Variants in MAP3K5 observed in about 807,000 individuals in gnomAD.
MAP3K5 encodes ASK-1.
MAP3K5 carries 56 observed loss-of-function variants against 158.7 expected under a neutral mutation model. The observed-to-expected ratio is 0.35, with a 90% CI of 0.28 to 0.44. The LOEUF (loss-of-function observed/expected upper bound fraction) is 0.44. MAP3K5 is among the 20% of genes least tolerant of loss of function. The pLI is 1.00. For synonymous variants in MAP3K5, 579 were observed against 601.7 expected (o/e 0.96, Z 0.55); for missense variants, 1,294 against 1,674.8 (o/e 0.77, Z 3.97).
intron 25 of MAP3K5, chr6:136,579,818 A>T (rs1383682072): frequency 4.4e-6 from 2 of 456,670 alleles, no homozygotes; most frequent in Non-Finnish European, 8.8e-6. Context: ...TTAAAAAAAA[A>T]TCAGATTCCT....
At chr6:136,672,080 T>C (rs967182153) in intron 7 of MAP3K5, among the ~76,000 whole-genome samples, 17 of 152,156 alleles carry the variant, frequency 1.1e-4, no homozygotes, top group African/African-American at 4.1e-4. Context: ...AATAATACTA[T>C]AAAGTATAAC....
At chr6:136,722,674 CTTTT>C (rs372343492) in intron 1 of MAP3K5, among the ~76,000 whole-genome samples, 2 of 115,562 alleles carry the variant, frequency 1.7e-5, no homozygotes, top group African/African-American at 3.2e-5. Context: ...TTTTTTTTTC[CTTTT>C]TTTTTTTTTT....
intron 23 of MAP3K5, among the ~76,000 whole-genome samples, chr6:136,591,808 GC>G (rs1775399163): frequency 6.6e-6 from 1 of 152,194 alleles, no homozygotes; most frequent in Admixed American, 6.5e-5. Flanking sequence ...GTAGCCTCAT[GC>G]TAATGTCAGA....
At chr6:136,705,943 G>A (rs1478035106) in intron 2 of MAP3K5, among the ~76,000 whole-genome samples, 1 of 152,116 alleles carries the variant, frequency 6.6e-6, no homozygotes, top group Non-Finnish European at 1.5e-5. Flanking sequence ...CATAATTTGT[G>A]TGTTTTTCAT....
chr6:136,674,585 A>G (rs189373804), intron 7 of MAP3K5, among the ~76,000 whole-genome samples: 2 of 152,164 alleles, frequency 1.3e-5, no homozygotes, highest in South Asian at 2.1e-4. Context: ...CAAATAGTCA[A>G]TATTATTGAT....
intron 14 of MAP3K5, among the ~76,000 whole-genome samples, chr6:136,632,513 T>C (rs1470026746): frequency 6.6e-6 from 1 of 152,082 alleles, no homozygotes; most frequent in Non-Finnish European, 1.5e-5. Flanking sequence ...TGAGACTCTG[T>C]ATCAAAAAAC....
At chr6:136,746,594 G>T (rs754918525) in intron 1 of MAP3K5, among the ~76,000 whole-genome samples, 1 of 152,084 alleles carries the variant, frequency 6.6e-6, no homozygotes, top group Non-Finnish European at 1.5e-5. Context: ...AACCATGCAG[G>T]GTTCTAATAC....
At chr6:136,628,365 G>A (rs879935776) in intron 14 of MAP3K5, among the ~76,000 whole-genome samples, 57 of 151,610 alleles carry the variant, frequency 3.8e-4, no homozygotes, top group Admixed American at 2.4e-3. Flanking sequence ...CTGCTGCCTC[G>A]GCCTCCCAAC....
chr6:136,711,338 A>T (rs1026126909), intron 2 of MAP3K5, among the ~76,000 whole-genome samples: 2 of 152,142 alleles, frequency 1.3e-5, no homozygotes, highest in African/African-American at 4.8e-5. Context: ...TCCCCAAACA[A>T]GTCATCACGC....
intron 8 of MAP3K5, among the ~76,000 whole-genome samples, chr6:136,661,218 C>CTT (rs1455785708): frequency 6.6e-6 from 1 of 151,968 alleles, no homozygotes; most frequent in African/African-American, 2.4e-5. Flanking sequence ...TTTCATGTTA[C>CTT]TTTTTATCGT....
chr6:136,722,056 A>G (rs750996083), intron 1 of MAP3K5, among the ~76,000 whole-genome samples: 7 of 152,304 alleles, frequency 4.6e-5, no homozygotes, highest in Non-Finnish European at 1.0e-4. Flanking sequence ...AGCCACTGCA[A>G]TAAGATTTCT....
chr6:136,665,726 T>C (rs114091051), intron 8 of MAP3K5, among the ~76,000 whole-genome samples: 206 of 152,346 alleles, frequency 1.4e-3, no homozygotes, highest in African/African-American at 4.5e-3. Context: ...TCTTTCCTTA[T>C]AACTTCTAAT....
At chr6:136,772,103 G>GT (rs1303046048) in intron 1 of MAP3K5, among the ~76,000 whole-genome samples, 2 of 144,538 alleles carry the variant, frequency 1.4e-5, no homozygotes, top group African/African-American at 5.1e-5. Flanking sequence ...AGAAATGGGG[G>GT]GGGGGGGTTT....
intron 29 of MAP3K5, 126 bp downstream of exon 29, chr6:136,558,674 C>T: frequency 3.4e-6 from 2 of 594,200 alleles, no homozygotes. Context: ...CTCAGAGCAG[C>T]TAAGAGCTAG....
intron 15 of MAP3K5, among the ~76,000 whole-genome samples, chr6:136,619,761 G>A (rs765314784): frequency 2.6e-5 from 4 of 152,366 alleles, no homozygotes; most frequent in East Asian, 3.9e-4. Context: ...GATTAGAGGT[G>A]CAGCTGTGGT....
intron 14 of MAP3K5, among the ~76,000 whole-genome samples, chr6:136,624,601 T>C (rs1776950829): frequency 6.6e-6 from 1 of 152,120 alleles, no homozygotes; most frequent in Middle Eastern, 3.2e-3. Flanking sequence ...ATAAAGACCA[T>C]GATCTCTGAG....
chr6:136,678,194 G>A (rs930102498), intron 7 of MAP3K5, among the ~76,000 whole-genome samples: 1 of 151,922 alleles, frequency 6.6e-6, no homozygotes, highest in Admixed American at 6.6e-5. Flanking sequence ...AATTAAACAG[G>A]AAAAATAAAT....
intron 23 of MAP3K5, among the ~76,000 whole-genome samples, chr6:136,588,139 T>C (rs1583227880): frequency 1.3e-5 from 2 of 152,342 alleles, no homozygotes; most frequent in South Asian, 2.1e-4. Flanking sequence ...CACTCTGCAG[T>C]GGCTAATGGT....
chr6:136,571,384 G>C (rs1774357541), intron 25 of MAP3K5, among the ~76,000 whole-genome samples: 1 of 152,202 alleles, frequency 6.6e-6, no homozygotes, highest in South Asian at 2.1e-4. Flanking sequence ...GAGTAATACA[G>C]CTGTAACACT....
Sources: allele counts gnomAD v4.1 joint callset (sites outside exome capture counted in the v4.1 genomes callset), GRCh38; gene constraint gnomAD v4.1.1; transcripts MANE v1.5; gene names NCBI Gene and HGNC (gene_info 2026-07-23, HGNC 2026-07-21).